The following LIMD1 variants were observed in gnomAD, a reference collection of about 807,000 sequenced individuals.
LIMD1 encodes the protein LIM domain-containing protein 1.
A neutral mutation model predicts 58.4 loss-of-function variants in LIMD1; 23 were observed. That is an observed-to-expected ratio of 0.39 (90% CI 0.28 to 0.56). The LOEUF (loss-of-function observed/expected upper bound fraction) is 0.56, where lower values mean the gene tolerates loss of function less well. LIMD1 is among the 20% of genes least tolerant of loss of function. The pLI, the probability that LIMD1 is intolerant of heterozygous loss-of-function variation, is 0.57. For synonymous variants in LIMD1, 334 were observed against 345.5 expected (o/e 0.97, Z 0.37); for missense variants, 838 against 855.5 (o/e 0.98, Z 0.25).
intron 1 of LIMD1, among the ~76,000 whole-genome samples, chr3:45,609,294 G>A (rs893396772): frequency 2.6e-5 from 4 of 152,220 alleles, no homozygotes; most frequent in African/African-American, 4.8e-5. Context: ...GTCCCTTGTG[G>A]TAAACTTGAG....
intron 1 of LIMD1, among the ~76,000 whole-genome samples, chr3:45,622,446 A>G (rs893799583): frequency 6.6e-6 from 1 of 152,214 alleles, no homozygotes; most frequent in Non-Finnish European, 1.5e-5. Context: ...ACTTTAAATT[A>G]CATATCAGGC....
intron 2 of LIMD1, among the ~76,000 whole-genome samples, chr3:45,647,868 C>T (rs1701922390): frequency 1.3e-5 from 2 of 152,178 alleles, no homozygotes; most frequent in African/African-American, 4.8e-5. Context: ...TCCCTGGCCA[C>T]ACTGCACATC....
At chr3:45,648,461 G>A (rs571721112) in intron 2 of LIMD1, among the ~76,000 whole-genome samples, 11 of 152,264 alleles carry the variant, frequency 7.2e-5, no homozygotes, top group Admixed American at 4.6e-4. Context: ...TTGTATAGAT[G>A]TACCATATTT....
At position 45,636,152 on chromosome 3, in the gene LIMD1, G is replaced by A. The variant is rs769384352; in HGVS notation, c.1411G>A (p.Ala471Thr). Reference sequence around the variant, plus strand: ...TGATGTTTCTCTTGTCCTGCAAGGAGCCTGTGTGAAATGCAGCAAAGGGGT... The same window carrying A: ...TGATGTTTCTCTTGTCCTGCAAGGAACCTGTGTGAAATGCAGCAAAGGGGT... ...DAHPKADYFGACVKCSKGVFG... is the reference protein window; with the variant it reads ...DAHPKADYFGTCVKCSKGVFG... Residue 471 changes from alanine to threonine, a missense_variant and splice_region_variant, in exon 2 of 8, where the codon GCC becomes ACC. Physicochemically the swap from Ala to Thr is moderately conservative, Grantham distance 58. Around this residue, in one of 3 missense-constraint regions of LIMD1, gnomAD observed 659 missense variants for 639.8 expected, o/e 1.03. Transcript: ENST00000273317. 78 of 1,612,302 alleles carry A rather than the reference G, an allele frequency of 4.8e-5. No individual in the cohort carries two copies. The highest frequency in any genetic ancestry group is 2.1e-5 in the Non-Finnish European group (25 of 1,179,034).
chr3:45,634,674 C>A (rs993653830), intron 1 of LIMD1, among the ~76,000 whole-genome samples: 2 of 152,242 alleles, frequency 1.3e-5, no homozygotes, highest in South Asian at 4.1e-4. Flanking sequence ...TTTAATTAGT[C>A]TGCGCTTGTC....
chr3:45,594,778 A>AACACAC lies in LIMD1; in HGVS notation c.-41_-36dup, dbSNP rs57091993. The stretch of plus-strand genomic sequence containing the variant: ...TCGCCAGCATCTCCCCGCTGCCCTC[A>AACACAC]ACACACACACACACACACACACACA... On this transcript the variant is annotated 5_prime_UTR_variant, in exon 1 of 8. Transcript: ENST00000273317. 4.4e-3 allele frequency: 3,208 copies of AACACAC among 731,036 alleles called. 129 individuals carry two copies. The highest frequency in any genetic ancestry group is 0.012 in the African/African-American group (452 of 37,986). The allele number at this position is 731,036 out of a possible 1,614,324, so 45.3% of individuals were successfully genotyped here. A position where few individuals can be genotyped will look rare whatever the true frequency, so the allele number is the denominator to read the frequency against.
At chr3:45,651,884 G>A (rs142135584) in intron 2 of LIMD1, among the ~76,000 whole-genome samples, 5,640 of 151,842 alleles carry the variant, frequency 0.037, 112 homozygotes, top group African/African-American at 0.053. Context: ...CACCTGCCTC[G>A]GCCTCCCAAA....
chr3:45,612,836 A>T (rs1396706765), intron 1 of LIMD1: 6 of 152,212 alleles, frequency 3.9e-5, no homozygotes, highest in African/African-American at 1.4e-4. Context: ...TTACTTGCTA[A>T]AATTTATTTG....
chr3:45,613,445 T>C (rs1482227884), intron 1 of LIMD1, among the ~76,000 whole-genome samples: 1 of 152,224 alleles, frequency 6.6e-6, no homozygotes, highest in Non-Finnish European at 1.5e-5. Context: ...TCAGATAATA[T>C]CTGTGAAATT....
intron 2 of LIMD1, among the ~76,000 whole-genome samples, chr3:45,650,019 G>A (rs1236900925): frequency 6.6e-6 from 1 of 151,080 alleles, no homozygotes; most frequent in Non-Finnish European, 1.5e-5. Flanking sequence ...TGTTTCTTGT[G>A]CTTAGGGGTT....
chr3:45,637,027 T>C (rs560195590), intron 2 of LIMD1, among the ~76,000 whole-genome samples: 4 of 152,202 alleles, frequency 2.6e-5, no homozygotes, highest in Non-Finnish European at 5.9e-5. Context: ...CTAACAGCTC[T>C]CAACTAAAAG....
At chr3:45,654,828 AAAAAAAG>A (rs1258367134) in intron 2 of LIMD1, among the ~76,000 whole-genome samples, 7 of 147,336 alleles carry the variant, frequency 4.8e-5, no homozygotes, top group African/African-American at 1.3e-4. Flanking sequence ...AAAAAAAAAA[AAAAAAAG>A]AAAAAAGAAA....
chr3:45,608,401 A>G (rs1701488499), intron 1 of LIMD1, among the ~76,000 whole-genome samples: 1 of 152,150 alleles, frequency 6.6e-6, no homozygotes, highest in African/African-American at 2.4e-5. Flanking sequence ...GCAGGCATGT[A>G]CATTGGTTGA....
intron 2 of LIMD1, among the ~76,000 whole-genome samples, chr3:45,641,417 T>G (rs551354187): frequency 1.3e-5 from 2 of 151,884 alleles, no homozygotes; most frequent in East Asian, 1.9e-4. Context: ...TGTATATGTA[T>G]CTTTTCTATT....
chr3:45,628,916 G>C (rs1701697617), intron 1 of LIMD1, among the ~76,000 whole-genome samples: 1 of 152,176 alleles, frequency 6.6e-6, no homozygotes, highest in Non-Finnish European at 1.5e-5. Context: ...ACATAAACCA[G>C]ATAAAGTACA....
In LIMD1 at chr3:45,600,100, T is replaced by C. The variant is rs532982779; in HGVS notation, c.1408+3813T>C. The stretch of plus-strand genomic sequence containing the variant: ...ACATCTGGTATTACTTGAAAGATTT[T>C]GTCTACCCAACACGCTACATTTGTT... On this transcript the variant is annotated intron_variant, in intron 1 of 7. Transcript: ENST00000273317. 2.0e-5 allele frequency among the ~76,000 whole-genome samples: 3 copies of C among 152,334 alleles called. No homozygotes were observed. The South Asian group carries it at 6.2e-4, about 32-fold the overall frequency.
At chr3:45,622,662 A>T (rs1316874110) in intron 1 of LIMD1, among the ~76,000 whole-genome samples, 5 of 151,648 alleles carry the variant, frequency 3.3e-5, no homozygotes, top group Admixed American at 2.6e-4. Context: ...GAACTTTTTT[A>T]AAGGAATTTT....
At chr3:45,623,874 G>C (rs1313855879) in intron 1 of LIMD1, among the ~76,000 whole-genome samples, 1 of 152,152 alleles carries the variant, frequency 6.6e-6, no homozygotes, top group African/African-American at 2.4e-5. Context: ...GGTAGTGTTG[G>C]GCATTCGCAC....
chr3:45,674,835 C>T (rs935180507), intron 7 of LIMD1, among the ~76,000 whole-genome samples: 5 of 152,148 alleles, frequency 3.3e-5, no homozygotes, highest in African/African-American at 9.7e-5. Context: ...TCATGAAGCC[C>T]CTCTTGGAAA....
Sources: allele counts gnomAD v4.1 joint callset (sites outside exome capture counted in the v4.1 genomes callset), GRCh38; gene constraint gnomAD v4.1.1; regional missense constraint gnomAD v4.1.1; transcripts MANE v1.5; gene names NCBI Gene and HGNC (gene_info 2026-07-23, HGNC 2026-07-21).